The following AHNAK2 variants were observed in gnomAD, a reference collection of about 807,000 sequenced individuals.
AHNAK2 encodes the protein protein AHNAK2.
Under a neutral mutation model 30.7 loss-of-function variants are expected in AHNAK2, and 18 were observed. The ratio of observed to expected loss-of-function variants is 0.59; its 90% CI spans 0.41 to 0.87. The LOEUF (loss-of-function observed/expected upper bound fraction) is 0.87. Among genes scored for constraint, AHNAK2 ranks in the 40% least tolerant of loss-of-function variants. AHNAK2 has a pLI of 0.00. For synonymous variants in AHNAK2, 3,590 were observed against 3,073.8 expected, an observed-to-expected ratio of 1.17 and a Z score of -5.56; for missense variants, 8,604 against 7,373.0, an observed-to-expected ratio of 1.17 and a Z score of -6.11.
In AHNAK2 at chr14:104,947,833, G is replaced by A; in HGVS notation, c.7618C>T (p.Leu2540=). The change falls in exon 7 of 7, where the codon CTG becomes TTG. Residue 2540 remains leucine (L), a synonymous_variant. Transcript: ENST00000333244. ...TCCACTTGGCCAGCCTGGACCTCCAGGTCAGCGGAAGGGGGCTGAATGCTG... is the reference window on the plus strand; with the variant it reads ...TCCACTTGGCCAGCCTGGACCTCCAAGTCAGCGGAAGGGGGCTGAATGCTG... ...DLSIQPPSAD[L]EVQAGQVDVK... 1.2e-6 allele frequency: 2 copies of A among 1,612,696 alleles called. No individual in the cohort carries two copies. Among genetic ancestry groups the A allele is most frequent in the East Asian group, 2.2e-5 (1 of 44,734 alleles).
At position 104,952,692 on chromosome 14, in the gene AHNAK2, T is replaced by G; in HGVS notation, c.2759A>C (p.Glu920Ala). The G allele has an allele frequency of 1.4e-5, 23 of 1,612,722 alleles. No individual in the cohort carries two copies. The highest frequency in any genetic ancestry group is 1.9e-5 in the Non-Finnish European group (23 of 1,179,582). ...AGPKVHLPKV[E>A]MPSFKMPKVD... The stretch of plus-strand genomic sequence containing the variant: ...TTTGGGCATCTTGAAACTGGGCATC[T>G]CCACTTTGGGCAGGTGCACTTTGGG... Residue 920 changes from glutamate (E) to alanine (A), a missense_variant, in exon 7 of 7, where the codon GAG (glutamate) becomes GCG (alanine). Glu to Ala is a moderately radical substitution (Grantham distance 107, BLOSUM62 -1). Coordinates refer to ENST00000333244, the MANE Select transcript of AHNAK2 (RefSeq NM_138420.4).
In AHNAK2 at chr14:104,941,433, T is replaced by C. The variant is rs201648026; in HGVS notation, c.14018A>G (p.His4673Arg). Reference sequence around the variant, plus strand: ...AGATGGATCATGAAGATCACCTTCATGAACAACAGATTCCACAATGGGAAA... The same window carrying C: ...AGATGGATCATGAAGATCACCTTCACGAACAACAGATTCCACAATGGGAAA... ...STFPIVESVV[H>R]EGDLHDPSRD... is the part of the protein sequence containing the mutation. The change falls in exon 7 of 7, where the codon CAT (histidine) becomes CGT (arginine). Residue 4673 changes from histidine to arginine, a missense_variant. Physicochemically the swap from His to Arg is conservative, Grantham distance 29 (BLOSUM62 0). Transcript: ENST00000333244. 8 of 1,612,908 alleles carry C rather than the reference T, an allele frequency of 5.0e-6. 3 individuals carry two copies. In the Middle Eastern group the frequency reaches 4.9e-4, roughly 100 times the overall value.
rs774080641 is a variant in AHNAK2, at chr14:104,941,813, C to T, written c.13638G>A (p.Leu4546=). 1.2e-6 allele frequency: 2 copies of T among 1,613,332 alleles called. No individual in the cohort carries two copies. Among genetic ancestry groups the T allele is most frequent in the Non-Finnish European group, 1.7e-6 (2 of 1,179,638 alleles). The change falls in exon 7 of 7, where the codon CTG becomes CTA. Residue 4546 remains leucine, a synonymous_variant. Transcript: ENST00000333244. ...TGAAACTGGGCATCTCCACCTTGGG[C>T]AGGTGCCCTTTGAGGCCGGCTACCT... is the stretch of plus-strand genomic sequence containing the variant. ...MPEVAGLKGH[L]PKVEMPSFKM... is the part of the protein sequence containing the mutation.
rs1311502691 is a variant in AHNAK2 at position 104,945,286 on chromosome 14, C to G, written c.10165G>C (p.Gly3389Arg). Residue 3389 changes from glycine to arginine, a missense_variant, in exon 7 of 7, where the codon GGG becomes CGG. Coordinates refer to ENST00000333244, the MANE Select transcript of AHNAK2 (RefSeq NM_138420.4). The part of the protein sequence containing the change: ...GHVPEGAGLK[G>R]HLPKVEMPSF... ...GGCATCTCCACCTTGGGCAGGTGCCCTTTGAGGCCAGCTCCCTCGGGCACG... is the reference window on the plus strand; with the variant it reads ...GGCATCTCCACCTTGGGCAGGTGCCGTTTGAGGCCAGCTCCCTCGGGCACG... 1.9e-6 allele frequency: 3 copies of G among 1,613,052 alleles called. No individual in the cohort carries two copies. In the Admixed American group the frequency reaches 5.0e-5, roughly 27 times the overall value.
At position 104,953,998 on chromosome 14, in the gene AHNAK2, G is replaced by C. The variant is rs758408767; in HGVS notation, c.1453C>G (p.Arg485Gly). ...TTTGGTGTCTTTAAATCGTGTACTCGCACCCTAATTTCTGGTGGGCCAATC... is the reference window on the plus strand; with the variant it reads ...TTTGGTGTCTTTAAATCGTGTACTCCCACCCTAATTTCTGGTGGGCCAATC... ...TQIGPPEIRV[R>G]VHDLKTPKFA... The change falls in exon 7 of 7, where the codon CGA becomes GGA. Residue 485 changes from arginine to glycine, a missense_variant. Arg to Gly is a moderately radical substitution (Grantham distance 125). Coordinates refer to ENST00000333244, the MANE Select transcript of AHNAK2 (RefSeq NM_138420.4). 1 of 1,613,540 alleles carries C rather than the reference G, an allele frequency of 6.2e-7. No homozygotes were observed. Among genetic ancestry groups the C allele is most frequent in the African/African-American group, 1.3e-5 (1 of 74,874 alleles).
chr14:104,945,594 T>TCC lies in AHNAK2; in HGVS notation c.9855_9856dup (p.Asp3286GlyfsTer17), dbSNP rs766428282. On this transcript the variant is annotated frameshift_variant, in exon 7 of 7. Coordinates refer to ENST00000333244, the MANE Select transcript of AHNAK2 (RefSeq NM_138420.4). LOFTEE classifies it low-confidence loss of function (END_TRUNC). Reference sequence around the variant, plus strand: ...CAGGTCCCCCTCCAGCCGTGCACCATCCAACTTGGCTCCTGGGGCCTCGAC... The same window carrying TCC: ...CAGGTCCCCCTCCAGCCGTGCACCATCCCCAACTTGGCTCCTGGGGCCTCGAC... The TCC allele has an allele frequency of 1.1e-4, 178 of 1,604,924 alleles. No individual in the cohort carries two copies. The highest frequency in any genetic ancestry group is 1.4e-4 in the Non-Finnish European group (169 of 1,175,198).
In AHNAK2 at chr14:104,966,874, C is replaced by T. The variant is rs1274354750; in HGVS notation, c.56-9202G>A. Among the ~76,000 whole-genome samples, 1 of 152,246 alleles carries T rather than the reference C, an allele frequency of 6.6e-6. No homozygotes were observed. The highest frequency in any genetic ancestry group is 1.5e-5 in the Non-Finnish European group (1 of 68,032). ...AAGCCACTCTCTGGCCTCAGTTTCCCTTCCTGCTCTGCCCAGACCCTGCCG... is the reference window on the plus strand; with the variant it reads ...AAGCCACTCTCTGGCCTCAGTTTCCTTTCCTGCTCTGCCCAGACCCTGCCG... On this transcript the variant is annotated intron_variant, in intron 1 of 6. Transcript: ENST00000333244. The surrounding 1 kb of genome is among the most constrained non-coding windows in gnomAD (Gnocchi z 4.3).
chr14:104,957,961 C>A (rs927300406), intron 1 of AHNAK2, among the ~76,000 whole-genome samples: 3 of 152,174 alleles, frequency 2.0e-5, no homozygotes, highest in Non-Finnish European at 2.9e-5. Context: ...TATTGTATAA[C>A]CACACCCTGG....
rs1231207446 is a variant in AHNAK2 at position 104,940,620 on chromosome 14, G to T, written c.14831C>A (p.Ala4944Asp). Residue 4944 changes from alanine (A) to aspartate (D), a missense_variant, in exon 7 of 7, where the codon GCT (alanine) becomes GAT (aspartate). Coordinates refer to ENST00000333244, the MANE Select transcript of AHNAK2 (RefSeq NM_138420.4). The surrounding 1 kb of genome is among the most constrained non-coding windows in gnomAD (Gnocchi z 4.4). ...VAPGEAPSED[A>D]DHEGKGSPLK... ...GGGACTCCCTTTCCCTTCGTGGTCA[G>T]CATCTTCAGAAGGGGCTTCTCCAGG... 2.5e-6 allele frequency: 4 copies of T among 1,613,580 alleles called. No individual in the cohort carries two copies. In the African/African-American group the frequency reaches 4.0e-5, roughly 16 times the overall value.
intron 1 of AHNAK2, among the ~76,000 whole-genome samples, chr14:104,973,221 G>C (rs1458193375): frequency 6.6e-6 from 1 of 152,216 alleles, no homozygotes; most frequent in Admixed American, 6.5e-5. Flanking sequence ...CCCGTGATGC[G>C]CACTGAACAG....
In AHNAK2 at chr14:104,946,906, A is replaced by AGCTCCC; in HGVS notation, c.8539_8544dup (p.Gly2847_Ser2848dup). ...TTAAGATCCCCTTGCATGGAGGGGAAGCTCCCGTCAGCTTCCACCTTCAGC... is the reference window on the plus strand; with the variant it reads ...TTAAGATCCCCTTGCATGGAGGGGAAGCTCCCGCTCCCGTCAGCTTCCACCTTCAGC... On this transcript the variant is annotated inframe_insertion, in exon 7 of 7. Transcript: ENST00000333244. 6.2e-7 allele frequency: 1 copy of AGCTCCC among 1,609,808 alleles called. No individual in the cohort carries two copies. The highest frequency in any genetic ancestry group is 8.5e-7 in the Non-Finnish European group (1 of 1,179,050).
In AHNAK2 at chr14:104,942,924, A is replaced by G; in HGVS notation, c.12527T>C (p.Leu4176Pro). 1.2e-6 allele frequency: 2 copies of G among 1,612,886 alleles called. No individual in the cohort carries two copies. Among genetic ancestry groups the G allele is most frequent in the Middle Eastern group, 1.7e-4 (1 of 6,056 alleles). Reference protein sequence around the residue: ...DVSLPSMQGDLKTTDLSIQSP... With the variant: ...DVSLPSMQGDPKTTDLSIQSP... ...CTGAATGCTGAGGTCAGTGGTCTTG[A>G]GGTCCCCCTGCATGGAGGGGAGGCT... Residue 4176 changes from leucine to proline, a missense_variant, in exon 7 of 7, where the codon CTC becomes CCC. Transcript: ENST00000333244.
rs139689335 is a variant in AHNAK2, at chr14:104,951,002, G to C, written c.4449C>G (p.Asp1483Glu). 7.7e-4 allele frequency: 821 copies of C among 1,063,716 alleles called. 151 individuals carry two copies. In the African/African-American group the frequency reaches 0.01, roughly 13 times the overall value. 65.9% of individuals were successfully genotyped at this position (1,063,716 alleles called of 1,614,324 possible). Residue 1483 changes from aspartate (D) to glutamate (E), a missense_variant, in exon 7 of 7, where the codon GAC becomes GAG. By Grantham distance (45) the Asp-to-Glu change is conservative. Coordinates refer to ENST00000333244, the MANE Select transcript of AHNAK2 (RefSeq NM_138420.4). ...GRLEEDMSLA[D>E]KDLTTKDSKF... ...TGCTGTCTTTGGTAGTCAAGTCCTT[G>C]TCGGCCAGGGACATGTCCTCCTCCA...
At chr14:104,956,710 A>G in intron 3 of AHNAK2, 21 bp from the exon 4 acceptor site, 1 of 1,612,060 alleles carries the variant, frequency 6.2e-7, no homozygotes, top group Non-Finnish European at 8.5e-7. Flanking sequence ...AAGTGTTGGG[A>G]GTTAGGCACC....
chr14:104,967,941 G>A (rs370395582), intron 1 of AHNAK2, among the ~76,000 whole-genome samples: 3 of 152,364 alleles, frequency 2.0e-5, no homozygotes, highest in East Asian at 3.9e-4. Flanking sequence ...AGGGGAGGCC[G>A]CCTTTGCCCG....
Position 104,948,046 on chromosome 14 carries a change from G to C in AHNAK2, c.7405C>G (p.Leu2469Val). 6.2e-7 allele frequency: 1 copy of C among 1,612,488 alleles called. No individual in the cohort carries two copies. The highest frequency in any genetic ancestry group is 1.1e-5 in the South Asian group (1 of 91,056). Residue 2469 changes from leucine (L) to valine (V), a missense_variant, in exon 7 of 7, where the codon CTG (leucine) becomes GTG (valine). Physicochemically the swap from Leu to Val is conservative, Grantham distance 32. Coordinates refer to ENST00000333244, the MANE Select transcript of AHNAK2 (RefSeq NM_138420.4). ...KLDGAWLEGD[L>V]SVADKDVTTK... ...GTCACATCCTTGTCCGCCACAGACA[G>C]GTCCCCCTCCAGCCACGCACCATCC... is the stretch of plus-strand genomic sequence containing the variant.
Position 104,957,684 on chromosome 14 carries a change from G to A in AHNAK2, c.56-12C>T. On this transcript the variant is annotated splice_polypyrimidine_tract_variant and intron_variant, in intron 1 of 6. Coordinates refer to ENST00000333244, the MANE Select transcript of AHNAK2 (RefSeq NM_138420.4). ...CTGACGGCCGGACACTGCAGAGAGA[G>A]TGGCTGTCAGTGGAGACAAGCAGGC... 6.2e-7 allele frequency: 1 copy of A among 1,606,478 alleles called. No homozygotes were observed. Among genetic ancestry groups the A allele is most frequent in the Non-Finnish European group, 8.5e-7 (1 of 1,177,202 alleles).
At position 104,944,359 on chromosome 14, in the gene AHNAK2, G is replaced by C. The variant is rs545221853; in HGVS notation, c.11092C>G (p.Gln3698Glu). The C allele has an allele frequency of 1.6e-5, 26 of 1,612,470 alleles. No homozygotes were observed. The highest frequency in any genetic ancestry group is 2.2e-5 in the Non-Finnish European group (26 of 1,179,492). ...IQPPSADLKV[Q>E]AGQMDVKLPE... Reference sequence around the variant, plus strand: ...AGCTTCACATCCATCTGGCCAGCCTGGACCTTCAGGTCGGCAGAAGGGGGC... The same window carrying C: ...AGCTTCACATCCATCTGGCCAGCCTCGACCTTCAGGTCGGCAGAAGGGGGC... The change falls in exon 7 of 7, where the codon CAG (glutamine) becomes GAG (glutamate). Residue 3698 changes from glutamine to glutamate, a missense_variant. Transcript: ENST00000333244.
At position 104,946,422 on chromosome 14, in the gene AHNAK2, G is replaced by A. The variant is rs747913895; in HGVS notation, c.9029C>T (p.Ala3010Val). 3 of 1,612,496 alleles carry A rather than the reference G, an allele frequency of 1.9e-6. No individual in the cohort carries two copies. Among genetic ancestry groups the A allele is most frequent in the African/African-American group, 2.7e-5 (2 of 74,596 alleles). ...CTGCATGGAGGGGAGGCTCACTTCG[G>A]CCTCCACCTTCGGCGCAGACACATC... ...SVDVSAPKVE[A>V]EVSLPSMQGD... Residue 3010 changes from alanine to valine, a missense_variant, in exon 7 of 7, where the codon GCC (alanine) becomes GTC (valine). By Grantham distance (64) the Ala-to-Val change is moderately conservative (BLOSUM62 0). Coordinates refer to ENST00000333244, the MANE Select transcript of AHNAK2 (RefSeq NM_138420.4).
Sources: allele counts gnomAD v4.1 joint callset (sites outside exome capture counted in the v4.1 genomes callset), GRCh38; gene constraint gnomAD v4.1.1; non-coding constraint Gnocchi (gnomAD v3.1); transcripts MANE v1.5; gene names NCBI Gene and HGNC (gene_info 2026-07-23, HGNC 2026-07-21).